SLC5A5: variants seen among roughly 807,000 people sequenced by gnomAD.
SLC5A5 encodes the protein sodium/iodide cotransporter.
SLC5A5 carries 56 observed loss-of-function variants against 68.6 expected under a neutral mutation model. The ratio of observed to expected loss-of-function variants is 0.82; its 90% CI spans 0.66 to 1.02. The LOEUF (loss-of-function observed/expected upper bound fraction) is 1.02. Among genes scored for constraint, SLC5A5 ranks in the 50% least tolerant of loss-of-function variants. SLC5A5 has a pLI of 0.00. For missense variants in SLC5A5, 807 were observed against 859.8 expected (o/e 0.94, Z 0.77); for synonymous variants, 398 against 373.0 (o/e 1.07, Z -0.77).
In SLC5A5 at chr19:17,872,437, G is replaced by A. The variant is rs766567603; in HGVS notation, c.118G>A (p.Gly40Arg). ...IGLWVGLARGGQRSAEDFFTG... is the reference protein window; with the variant it reads ...IGLWVGLARGRQRSAEDFFTG... ...GCTGTGGGTCGGGCTGGCTCGGGGC[G>A]GGCAGCGCAGCGCTGAGGACTTCTT... Residue 40 changes from glycine to arginine, a missense_variant, in exon 1 of 15, where the codon GGG becomes AGG. Coordinates refer to ENST00000222248, the MANE Select transcript of SLC5A5 (RefSeq NM_000453.3). The A allele has an allele frequency of 1.9e-6, 3 of 1,608,918 alleles. No individual in the cohort carries two copies. The highest frequency in any genetic ancestry group is 1.1e-5 in the South Asian group (1 of 90,668).
Position 17,888,340 on chromosome 19 carries a change from G to A in SLC5A5, c.1536G>A (p.Met512Ile). 6.2e-7 allele frequency: 1 copy of A among 1,613,864 alleles called. No homozygotes were observed. Among genetic ancestry groups the A allele is most frequent in the Non-Finnish European group, 8.5e-7 (1 of 1,179,952 alleles). ...NDSSRAPSSG[M>I]DASRPALADS... ...CTCTCCCAACCTGCAGCTCAGGAATGGACGCCAGCCGACCCGCCTTAGCTG... is the reference window on the plus strand; with the variant it reads ...CTCTCCCAACCTGCAGCTCAGGAATAGACGCCAGCCGACCCGCCTTAGCTG... The change falls in exon 13 of 15, where the codon ATG becomes ATA. Residue 512 changes from methionine (M) to isoleucine (I), a missense_variant. Physicochemically the swap from Met to Ile is conservative, Grantham distance 10. Transcript: ENST00000222248.
chr19:17,892,994 CTTCTT>C (rs2147757747), intron 14 of SLC5A5, among the ~76,000 whole-genome samples: 1 of 141,380 alleles, frequency 7.1e-6, no homozygotes, highest in Non-Finnish European at 1.6e-5. Context: ...TTTCCTTTCT[CTTCTT>C]TTCTTTTTTT....
intron 14 of SLC5A5, 83 bp downstream of exon 14, chr19:17,891,084 A>G (rs772978488): frequency 2.4e-6 from 2 of 848,326 alleles, no homozygotes; most frequent in Non-Finnish European, 4.1e-6. Context: ...GGGACATGGT[A>G]TATCAGCACC....
At chr19:17,882,261 G>A (rs2094322443) in intron 10 of SLC5A5, 42 bp downstream of exon 10, 13 of 1,509,240 alleles carry the variant, frequency 8.6e-6, no homozygotes, top group Admixed American at 6.7e-5. Context: ...CCTGAGAGGT[G>A]GGGGCACCTT....
intron 8 of SLC5A5, among the ~76,000 whole-genome samples, chr19:17,881,218 C>T (rs541144124): frequency 2.0e-5 from 3 of 152,182 alleles, no homozygotes; most frequent in Non-Finnish European, 4.4e-5. Flanking sequence ...TTCCTTCCTT[C>T]CTCCCCAGAC....
At chr19:17,889,006 A>ATG (rs2030046270) in intron 13 of SLC5A5, among the ~76,000 whole-genome samples, 1 of 151,860 alleles carries the variant, frequency 6.6e-6, no homozygotes, top group African/African-American at 2.4e-5. Context: ...ACACACTTTT[A>ATG]TGTGTATATA....
intron 13 of SLC5A5, among the ~76,000 whole-genome samples, chr19:17,890,619 T>C (rs1280253265): frequency 2.0e-5 from 3 of 152,154 alleles, no homozygotes; most frequent in African/African-American, 7.2e-5. Context: ...CTCCAACTAC[T>C]GGGCAACTCT....
chr19:17,880,741 A>T, intron 7 of SLC5A5, 124 bp from the exon 8 acceptor site: 1 of 751,348 alleles, frequency 1.3e-6, no homozygotes, highest in South Asian at 1.4e-5. Flanking sequence ...AACTAAATGC[A>T]TATTAAATGC....
intron 12 of SLC5A5, among the ~76,000 whole-genome samples, chr19:17,885,479 G>A (rs540555521): frequency 2.6e-5 from 4 of 151,280 alleles, no homozygotes; most frequent in South Asian, 2.1e-4. Context: ...TCCAGACTCC[G>A]ATGATCCTCC....
intron 5 of SLC5A5, among the ~76,000 whole-genome samples, chr19:17,876,980 G>A (rs1321034968): frequency 6.6e-6 from 1 of 151,136 alleles, no homozygotes; most frequent in African/African-American, 2.4e-5. Context: ...GCGGTGAGCC[G>A]AGATCACACC....
rs565735345 is a variant in SLC5A5 at position 17,872,744 on chromosome 19, C to T, written c.357+68C>T. 2.0e-5 allele frequency: 21 copies of T among 1,059,866 alleles called. No individual in the cohort carries two copies. In the East Asian group the frequency reaches 4.7e-4, roughly 24 times the overall value. The allele number at this position is 1,059,866 out of a possible 1,614,324, so 65.7% of individuals were successfully genotyped here. Reference sequence around the variant, plus strand: ...GTGCTGGGACCCCGTGTGGGGGAGGCGCTGGGGCTTTGGGCCGCTGTACAG... The same window carrying T: ...GTGCTGGGACCCCGTGTGGGGGAGGTGCTGGGGCTTTGGGCCGCTGTACAG... On this transcript the variant is annotated intron_variant, in intron 1 of 14. Transcript: ENST00000222248.
intron 1 of SLC5A5, among the ~76,000 whole-genome samples, 198 bp from the exon 2 acceptor site, chr19:17,873,940 G>A (rs994948396): frequency 3.9e-5 from 6 of 152,242 alleles, no homozygotes; most frequent in Non-Finnish European, 7.3e-5. Context: ...CAGTCCTCCA[G>A]GTCCACGGGG....
At chr19:17,882,606 C>T (rs191794158) in intron 10 of SLC5A5, among the ~76,000 whole-genome samples, 1 of 151,838 alleles carries the variant, frequency 6.6e-6, no homozygotes, top group Admixed American at 6.6e-5. Context: ...ACCTCCACCC[C>T]CTGGGTTCAA....
rs747299813 is a variant in SLC5A5, at chr19:17,875,924, CT to C, written c.544-27del. On this transcript the variant is annotated intron_variant, in intron 4 of 14. Transcript: ENST00000222248. ...GGCCAGGTCCCCCATCTAACCGCCC[CT>C]CTCCCTCTCTCTGTCCCATGCTGCA... 4 of 1,613,690 alleles carry C rather than the reference CT, an allele frequency of 2.5e-6. No individual in the cohort carries two copies. The African/African-American group carries it at 5.3e-5, about 22-fold the overall frequency.
chr19:17,883,625 G>A (rs1749396986), intron 10 of SLC5A5, 56 bp from the exon 11 acceptor site: 1 of 1,408,356 alleles, frequency 7.1e-7, no homozygotes, highest in Admixed American at 1.7e-5. Context: ...GGTAAACTGA[G>A]GCCCAGAGCG....
intron 7 of SLC5A5, among the ~76,000 whole-genome samples, chr19:17,880,464 C>G (rs1197513332): frequency 6.6e-6 from 1 of 152,194 alleles, no homozygotes; most frequent in East Asian, 1.9e-4. Context: ...ATCCACCCGC[C>G]TCGGCCTCCC....
intron 5 of SLC5A5, among the ~76,000 whole-genome samples, 198 bp downstream of exon 5, chr19:17,876,304 G>C (rs940117266): frequency 6.6e-6 from 1 of 151,754 alleles, no homozygotes; most frequent in Non-Finnish European, 1.5e-5. Flanking sequence ...TGGTGCACCT[G>C]TGGTCCCAGG....
chr19:17,876,343 C>G (rs2094307172), intron 5 of SLC5A5, among the ~76,000 whole-genome samples: 3 of 151,074 alleles, frequency 2.0e-5, no homozygotes, highest in South Asian at 4.2e-4. Flanking sequence ...TGGAGGATTG[C>G]TTGAGCCCGG....
chr19:17,872,736 G>A (rs552272640), intron 1 of SLC5A5, 60 bp downstream of exon 1: 10 of 1,118,182 alleles, frequency 8.9e-6, no homozygotes, highest in African/African-American at 1.5e-5. Context: ...GACCCCGTGT[G>A]GGGGAGGCGC....
Sources: gnomAD v4.1 joint callset for allele counts (sites outside exome capture counted in the v4.1 genomes callset) on GRCh38, gnomAD v4.1.1 for gene constraint, MANE v1.5 for transcripts, NCBI Gene and HGNC (gene_info 2026-07-23, HGNC 2026-07-21) for gene names.